The following NLRP2 variants were observed in gnomAD, a reference collection of about 807,000 sequenced individuals.
The protein encoded by NLRP2 is NLR family pyrin domain containing 2.
In NLRP2, 107 loss-of-function variants were observed where a neutral mutation model predicts 97.2. The observed-to-expected ratio is 1.10, with a 90% CI of 0.94 to 1.29. NLRP2 has a LOEUF of 1.29. Among genes scored for constraint, NLRP2 ranks in the 50% most tolerant of loss-of-function variants. The pLI, the probability that NLRP2 is intolerant of heterozygous loss-of-function variation, is 0.00. For synonymous variants in NLRP2, 663 were observed against 551.5 expected (o/e 1.20, Z -2.83); for missense variants, 1,495 against 1,330.3 (o/e 1.12, Z -1.93).
At chr19:54,974,135 C>G in intron 2 of NLRP2, 1 of 662,618 alleles carries the variant, frequency 1.5e-6, no homozygotes, top group Non-Finnish European at 2.7e-6. Flanking sequence ...GTGGGCGGAT[C>G]ACAAGGTCAG....
chr19:54,979,770 C>CTG (rs2071457256), intron 4 of NLRP2, among the ~76,000 whole-genome samples: 3 of 152,236 alleles, frequency 2.0e-5, no homozygotes, highest in African/African-American at 7.2e-5. Flanking sequence ...AATGTCATTC[C>CTG]TGGCACACAA....
chr19:54,987,129 C>T (rs189204247), intron 8 of NLRP2, among the ~76,000 whole-genome samples: 47 of 139,034 alleles, frequency 3.4e-4, no homozygotes, highest in Middle Eastern at 3.7e-3. Context: ...AGGTGATCTA[C>T]CCCCCCACCC....
intron 10 of NLRP2, chr19:54,993,934 C>T (rs1246386722): frequency 7.3e-6 from 3 of 413,546 alleles, no homozygotes; most frequent in Non-Finnish European, 1.3e-5. Flanking sequence ...GCCCTGGCTC[C>T]CTTATCACGT....
rs556709361 is a variant in NLRP2, at chr19:54,974,268, C to T, written c.281-232C>T. The stretch of plus-strand genomic sequence containing the variant: ...ACTCAGGAAGCTGAGGCAGGAGAAT[C>T]GCTTGAACCTGGGAGGCAGAGGTTG... On this transcript the variant is annotated intron_variant, in intron 2 of 12. Coordinates refer to ENST00000448584, the MANE Select transcript of NLRP2 (RefSeq NM_017852.5). The T allele has an allele frequency of 1.3e-5, 8 of 597,438 alleles. No individual in the cohort carries two copies. In the East Asian group the frequency reaches 1.5e-4, roughly 11 times the overall value. 37.0% of individuals were successfully genotyped at this position (597,438 alleles called of 1,614,324 possible).
intron 2 of NLRP2, among the ~76,000 whole-genome samples, chr19:54,973,326 C>T (rs16986143): frequency 0.033 from 4,173 of 127,618 alleles, 209 homozygotes; most frequent in African/African-American, 0.11. Context: ...TGTTTCCTGT[C>T]TTTAACAATG....
chr19:54,977,981 G>C (rs775900), intron 4 of NLRP2, among the ~76,000 whole-genome samples, 158 bp downstream of exon 4: 77 of 152,036 alleles, frequency 5.1e-4, no homozygotes, highest in Non-Finnish European at 8.7e-4. Context: ...CCTCCCTTCC[G>C]TAAGAATAGA....
At chr19:54,969,700 C>G (rs987333987) in intron 1 of NLRP2, among the ~76,000 whole-genome samples, 1 of 152,076 alleles carries the variant, frequency 6.6e-6, no homozygotes, top group Non-Finnish European at 1.5e-5. Context: ...TGCTCTGTTG[C>G]CCAGATGGGA....
intron 7 of NLRP2, 33 bp from the exon 8 acceptor site, chr19:54,986,118 C>T: frequency 6.6e-7 from 1 of 1,514,970 alleles, no homozygotes; most frequent in Non-Finnish European, 9.2e-7. Flanking sequence ...GGTGTACACA[C>T]TAAAGATTTC....
At chr19:54,986,402 GT>G in intron 8 of NLRP2, 87 bp downstream of exon 8, 1 of 1,293,748 alleles carries the variant, frequency 7.7e-7, no homozygotes, top group East Asian at 2.3e-5. Context: ...ATAAGAAAAA[GT>G]TCGTTATTCT....
chr19:54,986,915 C>T (rs184415336), intron 8 of NLRP2, among the ~76,000 whole-genome samples: 134 of 151,456 alleles, frequency 8.8e-4, no homozygotes, highest in African/African-American at 2.0e-3. Context: ...GATGGAGTCT[C>T]GCTCTGTCAC....
chr19:54,983,334 A>G lies in NLRP2; in HGVS notation c.1636A>G (p.Arg546Gly), dbSNP rs1306324883. Residue 546 changes from arginine (R) to glycine (G), a missense_variant, in exon 6 of 13, where the codon AGG becomes GGG. By Grantham distance (125) the Arg-to-Gly change is moderately radical. Transcript: ENST00000448584. ...QKLLSGVERL[R>G]NPDLIQAGYY... ...GCTGCTTTCCGGAGTAGAAAGACTC[A>G]GGAACCCCGACCTGATCCAAGCAGG... 2 of 1,614,224 alleles carry G rather than the reference A, an allele frequency of 1.2e-6. No homozygotes were observed. Among genetic ancestry groups the G allele is most frequent in the Admixed American group, 3.3e-5 (2 of 60,022 alleles).
In NLRP2 at chr19:54,983,052, C is replaced by T; in HGVS notation, c.1354C>T (p.Leu452Phe). The change falls in exon 6 of 13, where the codon CTC becomes TTC. Residue 452 changes from leucine to phenylalanine, a missense_variant. Transcript: ENST00000448584. ...QLRGALRTLS[L>F]LAAQGLWAQT... is the part of the protein sequence containing the mutation. ...GCGGGGCGCGCTGCGGACGCTGAGC[C>T]TCCTGGCCGCGCAGGGCCTGTGGGC... 2 of 1,611,724 alleles carry T rather than the reference C, an allele frequency of 1.2e-6. No homozygotes were observed. The highest frequency in any genetic ancestry group is 1.3e-5 in the African/African-American group (1 of 75,010).
chr19:54,969,851 C>G (rs2070729189), intron 1 of NLRP2, 148 bp from the exon 2 acceptor site: 2 of 763,442 alleles, frequency 2.6e-6, no homozygotes, highest in Admixed American at 4.0e-5. Flanking sequence ...AGATGGGGGT[C>G]TCACTATGTT....
At position 54,970,076 on chromosome 19, in the gene NLRP2, G is replaced by A; in HGVS notation, c.61G>A (p.Asp21Asn). The change falls in exon 2 of 13, where the codon GAT (aspartate) becomes AAT (asparagine). Residue 21 changes from aspartate to asparagine, a missense_variant. Coordinates refer to ENST00000448584, the MANE Select transcript of NLRP2 (RefSeq NM_017852.5). ...LQALLEQLSQ[D>N]ELSKFKYLIT... is the part of the protein sequence containing the mutation. ...GGCTCTCCTGGAGCAGCTCAGCCAG[G>A]ATGAGTTGAGCAAGTTCAAGTATCT... is the stretch of plus-strand genomic sequence containing the variant. 6.2e-7 allele frequency: 1 copy of A among 1,614,082 alleles called. No individual in the cohort carries two copies. The highest frequency in any genetic ancestry group is 8.5e-7 in the Non-Finnish European group (1 of 1,180,020).
At chr19:54,984,876 C>T (rs181665648) in intron 6 of NLRP2, among the ~76,000 whole-genome samples, 171 bp from the exon 7 acceptor site, 74 of 152,216 alleles carry the variant, frequency 4.9e-4, no homozygotes, top group Admixed American at 1.1e-3. Context: ...GGTTCTTTCT[C>T]CTGTGATGCT....
At chr19:54,986,682 C>G (rs1365504056) in intron 8 of NLRP2, among the ~76,000 whole-genome samples, 3 of 151,944 alleles carry the variant, frequency 2.0e-5, no homozygotes, top group Non-Finnish European at 4.4e-5. Context: ...TCCCAAGTTG[C>G]TGGGATTACA....
intron 12 of NLRP2, among the ~76,000 whole-genome samples, chr19:54,998,655 T>C (rs1300432526): frequency 8.0e-6 from 1 of 125,614 alleles, no homozygotes; most frequent in Non-Finnish European, 1.7e-5. Flanking sequence ...TTTTTTTTAT[T>C]GATCATTCTT....
chr19:54,970,422 G>A (rs2070772885), intron 2 of NLRP2, 127 bp downstream of exon 2: 21 of 1,065,986 alleles, frequency 2.0e-5, no homozygotes, highest in South Asian at 3.9e-5. Flanking sequence ...AGGCTGAGGC[G>A]GTTGGACCAC....
chr19:54,995,708 CA>C (rs1239669974), intron 11 of NLRP2, among the ~76,000 whole-genome samples: 2 of 152,048 alleles, frequency 1.3e-5, no homozygotes, highest in African/African-American at 4.8e-5. Flanking sequence ...CAATCAGATG[CA>C]CTTGAACCTG....
Sources: allele counts gnomAD v4.1 joint callset (sites outside exome capture counted in the v4.1 genomes callset), GRCh38; gene constraint gnomAD v4.1.1; transcripts MANE v1.5; gene names NCBI Gene and HGNC (gene_info 2026-07-23, HGNC 2026-07-21).